The following ECT2L variants were observed in gnomAD, a reference collection of about 807,000 sequenced individuals.
ECT2L encodes the protein epithelial cell-transforming sequence 2 oncogene-like.
A neutral mutation model predicts 122.8 loss-of-function variants in ECT2L; 126 were observed. The ratio of observed to expected loss-of-function variants is 1.03; its 90% CI spans 0.89 to 1.19. The LOEUF is 1.19. Among genes scored for constraint, ECT2L ranks in the 50% most tolerant of loss-of-function variants. The probability of loss-of-function intolerance (pLI) is 0.00; values close to 1 mark genes in which losing one functional copy is unlikely to be tolerated. For synonymous variants in ECT2L, 385 were observed against 381.8 expected, an observed-to-expected ratio of 1.01 and a Z score of -0.10; for missense variants, 1,012 against 1,064.1, an observed-to-expected ratio of 0.95 and a Z score of 0.68.
At chr6:138,895,790 C>T (rs1779187902) in intron 20 of ECT2L, among the ~76,000 whole-genome samples, 1 of 152,116 alleles carries the variant, frequency 6.6e-6, no homozygotes, top group African/African-American at 2.4e-5. Context: ...CCAGGCTCAT[C>T]TTGAACTCCT....
intron 4 of ECT2L, among the ~76,000 whole-genome samples, chr6:138,836,870 T>C (rs1776859234): frequency 6.6e-6 from 1 of 152,150 alleles, no homozygotes; most frequent in Non-Finnish European, 1.5e-5. Flanking sequence ...ATTCTTTTGG[T>C]ATGTCCATGA....
At chr6:138,850,264 C>T (rs1255583576) in intron 9 of ECT2L, among the ~76,000 whole-genome samples, 3 of 152,154 alleles carry the variant, frequency 2.0e-5, no homozygotes, top group Admixed American at 2.0e-4. Flanking sequence ...CCTGCCTCAG[C>T]CTCCCAAGTA....
chr6:138,885,270 C>T (rs576072112), intron 16 of ECT2L, among the ~76,000 whole-genome samples: 2 of 152,034 alleles, frequency 1.3e-5, no homozygotes, highest in African/African-American at 2.4e-5. Flanking sequence ...CCTCGTGATC[C>T]GCCTGCCTCC....
chr6:138,844,576 A>G lies in ECT2L; in HGVS notation c.760A>G (p.Lys254Glu). The G allele has an allele frequency of 6.2e-7, 1 of 1,613,924 alleles. No homozygotes were observed. Among genetic ancestry groups the G allele is most frequent in the Non-Finnish European group, 8.5e-7 (1 of 1,179,862 alleles). The change falls in exon 7 of 22, where the codon AAG becomes GAG. Residue 254 changes from lysine (K) to glutamate (E), a missense_variant. Coordinates refer to ENST00000541398, the MANE Select transcript of ECT2L (RefSeq NM_001077706.3). ...TTTGACATCGTTAGAAACCTTGCCC[A>G]AGCGGTAAGCAAAATTCCATCTACT... The part of the protein sequence containing the change: ...LVLTSLETLP[K>E]RSNISGSHSY...
At chr6:138,809,825 A>T (rs1034815531) in intron 1 of ECT2L, among the ~76,000 whole-genome samples, 1 of 152,258 alleles carries the variant, frequency 6.6e-6, no homozygotes, top group East Asian at 1.9e-4. Flanking sequence ...TTCTTCCTTG[A>T]ACGTTTAGTA....
At chr6:138,816,336 C>T (rs889457517) in intron 4 of ECT2L, among the ~76,000 whole-genome samples, 2 of 152,028 alleles carry the variant, frequency 1.3e-5, no homozygotes, top group Non-Finnish European at 2.9e-5. Context: ...TAACTGAATT[C>T]TTTTTTCTGT....
At chr6:138,796,560 C>G (rs1775350731) in intron 1 of ECT2L, among the ~76,000 whole-genome samples, 1 of 151,902 alleles carries the variant, frequency 6.6e-6, no homozygotes, top group South Asian at 2.1e-4. Context: ...AGTTCTCTCC[C>G]TCTTTCCTCC....
intron 14 of ECT2L, among the ~76,000 whole-genome samples, chr6:138,878,185 AC>A (rs766347466): frequency 1.3e-5 from 2 of 152,168 alleles, no homozygotes; most frequent in Non-Finnish European, 2.9e-5. Context: ...AGATTGCCCT[AC>A]ATATAAGAGG....
chr6:138,886,895 T>C lies in ECT2L; in HGVS notation c.2298T>C (p.Asp766=), dbSNP rs770109357. The part of the protein sequence containing the change: ...QNITMKDHLS[D]IQRIIWGCPT... ...TCACTATGAAGGATCATCTGTCAGA[T>C]ATACAGAGAATCATCTGGGGATGCC... is the stretch of plus-strand genomic sequence containing the variant. The change falls in exon 19 of 22, where the codon GAT becomes GAC. Residue 766 remains aspartate (D), a synonymous_variant. Coordinates refer to ENST00000541398, the MANE Select transcript of ECT2L (RefSeq NM_001077706.3). The C allele has an allele frequency of 2.5e-6, 4 of 1,613,710 alleles. No homozygotes were observed. Among genetic ancestry groups the C allele is most frequent in the Non-Finnish European group, 3.4e-6 (4 of 1,179,802 alleles).
chr6:138,815,799 G>A lies in ECT2L; in HGVS notation c.179+1196G>A, dbSNP rs552370470. ...TCTTAGATACCCAGCAAAAATATCT[G>A]AGAGTGGTGCATGATCAAATTGGCA... is the stretch of plus-strand genomic sequence containing the variant. On this transcript the variant is annotated intron_variant, in intron 4 of 21. Coordinates refer to ENST00000541398, the MANE Select transcript of ECT2L (RefSeq NM_001077706.3). Among the ~76,000 whole-genome samples, 47 of 152,328 alleles carry A rather than the reference G, an allele frequency of 3.1e-4. No individual in the cohort carries two copies. The East Asian group carries it at 5.8e-3, about 19-fold the overall frequency.
intron 4 of ECT2L, among the ~76,000 whole-genome samples, chr6:138,834,890 C>T (rs529960480): frequency 2.3e-4 from 32 of 142,168 alleles, no homozygotes; most frequent in African/African-American, 8.4e-4. Flanking sequence ...TCTTTGCCCC[C>T]GTTTACACAC....
intron 4 of ECT2L, chr6:138,823,553 C>T: frequency 1.3e-6 from 2 of 1,532,878 alleles, no homozygotes; most frequent in Admixed American, 3.8e-5. Flanking sequence ...ACATCATCTA[C>T]TCCCTGATCA....
At chr6:138,886,654 G>A (rs1778832154) in intron 18 of ECT2L, among the ~76,000 whole-genome samples, 1 of 152,200 alleles carries the variant, frequency 6.6e-6, no homozygotes, top group South Asian at 2.1e-4. Context: ...CTGAGCTCAA[G>A]CCATCAGCCC....
At chr6:138,883,018 G>C in intron 16 of ECT2L, 147 bp downstream of exon 16, 1 of 880,006 alleles carries the variant, frequency 1.1e-6, no homozygotes, top group Non-Finnish European at 1.7e-6. Flanking sequence ...TCTGAGGACA[G>C]GAACCCTGAC....
rs775229639 is a variant in ECT2L at position 138,846,964 on chromosome 6, TA to T, written c.903+308del. Among the ~76,000 whole-genome samples, 275 of 73,114 alleles carry T rather than the reference TA, an allele frequency of 3.8e-3. 4 individuals carry two copies. The highest frequency in any genetic ancestry group is 0.024 in the Admixed American group (136 of 5,574). 48.0% of individuals were successfully genotyped at this position (73,114 alleles called of 152,430 possible). ...GCAACAGAGTGAGACTCTGTTTCTA[TA>T]AAAAAAAAAAAAAAAAAAAAGGCCA... is the stretch of plus-strand genomic sequence containing the variant. On this transcript the variant is annotated intron_variant, in intron 8 of 21. Coordinates refer to ENST00000541398, the MANE Select transcript of ECT2L (RefSeq NM_001077706.3).
chr6:138,870,051 T>C (rs1778194414), intron 13 of ECT2L: 1 of 152,368 alleles, frequency 6.6e-6, no homozygotes, highest in East Asian at 1.9e-4. Flanking sequence ...CTCTGTTTTC[T>C]GGACATGTCA....
chr6:138,816,686 C>T (rs760617133), intron 4 of ECT2L, among the ~76,000 whole-genome samples: 12 of 152,096 alleles, frequency 7.9e-5, no homozygotes, highest in South Asian at 2.1e-4. Flanking sequence ...GGGGTTTCAC[C>T]GTGTTAGCCA....
At chr6:138,885,426 A>G in intron 16 of ECT2L, 80 bp from the exon 17 acceptor site, 3 of 1,418,912 alleles carry the variant, frequency 2.1e-6, no homozygotes, top group Non-Finnish European at 3.0e-6. Flanking sequence ...CAGGCATTCC[A>G]TAGATCATGC....
At chr6:138,870,725 C>A (rs927593308) in intron 13 of ECT2L, among the ~76,000 whole-genome samples, 1 of 151,968 alleles carries the variant, frequency 6.6e-6, no homozygotes, top group African/African-American at 2.4e-5. Flanking sequence ...AAAGCGAGTT[C>A]TGGCTGGGCG....
Sources: gnomAD v4.1 joint callset for allele counts (sites outside exome capture counted in the v4.1 genomes callset) on GRCh38, gnomAD v4.1.1 for gene constraint, MANE v1.5 for transcripts, NCBI Gene and HGNC (gene_info 2026-07-23, HGNC 2026-07-21) for gene names.